Variants in TRRAP observed in about 807,000 individuals in gnomAD.
TRRAP encodes transformation/transcription domain-associated protein.
Under a neutral mutation model 438.8 loss-of-function variants are expected in TRRAP, and 41 were observed. That is an observed-to-expected ratio of 0.09 (90% CI 0.07 to 0.12). The LOEUF (loss-of-function observed/expected upper bound fraction) is 0.12, where lower values mean the gene tolerates loss of function less well. TRRAP is among the 10% of genes least tolerant of loss of function. TRRAP has a pLI of 1.00. For missense variants in TRRAP, 3,122 were observed against 5,055.1 expected, an observed-to-expected ratio of 0.62 and a Z score of 11.60; for synonymous variants, 1,994 against 1,962.9, an observed-to-expected ratio of 1.02 and a Z score of -0.42.
intron 9 of TRRAP, 84 bp downstream of exon 9, chr7:98,899,583 C>T (rs10279813): frequency 6.3e-7 from 1 of 1,595,188 alleles, no homozygotes; most frequent in South Asian, 1.1e-5. Flanking sequence ...GTGTATAATA[C>T]ACACATGCTA....
rs782296605 is a variant in TRRAP at position 98,917,527 on chromosome 7, C to T, written c.2470C>T (p.Leu824=). 6.2e-7 allele frequency: 1 copy of T among 1,614,202 alleles called. No individual in the cohort carries two copies. Among genetic ancestry groups the T allele is most frequent in the Admixed American group, 1.7e-5 (1 of 60,020 alleles). The stretch of plus-strand genomic sequence containing the variant: ...GCGGCTGAGCTCGCTTTTGCCGTAC[C>T]TGCCCATGCTTATGGATCCCTTGGT... ...PVRLSSLLPY[L]PMLMDPLVSA... Residue 824 remains leucine, a synonymous_variant, in exon 20 of 73, where the codon CTG becomes TTG. Coordinates refer to ENST00000456197, the MANE Select transcript of TRRAP (RefSeq NM_001375524.1).
At position 98,905,165 on chromosome 7, in the gene TRRAP, G is replaced by T. The variant is rs114026904; in HGVS notation, c.1037-1012G>T. On this transcript the variant is annotated intron_variant, in intron 12 of 72. Transcript: ENST00000456197. ...GGCTGAGCCCTTTGCATCCCTCTGT[G>T]CCTCCTTCATCTTGGCCACTTCACT... Among the ~76,000 whole-genome samples, 448 of 152,156 alleles carry T rather than the reference G, an allele frequency of 2.9e-3. 2 individuals are homozygous for T. Among genetic ancestry groups the T allele is most frequent in the African/African-American group, 0.01 (435 of 41,520 alleles).
chr7:98,959,607 A>T, intron 45 of TRRAP, 117 bp downstream of exon 45: 1 of 1,432,984 alleles, frequency 7.0e-7, no homozygotes. Flanking sequence ...CTAAACCCCA[A>T]ATCTCCTGTC....
Position 98,897,829 on chromosome 7 carries a change from A to G in TRRAP, c.596A>G (p.Lys199Arg). 6.2e-7 allele frequency: 1 copy of G among 1,614,066 alleles called. No individual in the cohort carries two copies. The highest frequency in any genetic ancestry group is 2.2e-5 in the East Asian group (1 of 44,872). The change falls in exon 8 of 73, where the codon AAA becomes AGA. Residue 199 changes from lysine (K) to arginine (R), a missense_variant. This residue lies in a region of TRRAP where 343 missense variants were observed against 564.0 expected (regional missense o/e 0.61). Coordinates refer to ENST00000456197, the MANE Select transcript of TRRAP (RefSeq NM_001375524.1). Reference protein sequence around the residue: ...MVGMITTIAVKVNPEREDSET... With the variant: ...MVGMITTIAVRVNPEREDSET... ...GGTATGATAACAACGATTGCTGTGA[A>G]AGTCAACCCGGAGCGTGAGGACAGT...
Position 98,899,427 on chromosome 7 carries a change from C to T in TRRAP, c.639C>T (p.Ser213=), listed in dbSNP as rs1554406288. 1.9e-6 allele frequency: 3 copies of T among 1,614,008 alleles called. No individual in the cohort carries two copies. The highest frequency in any genetic ancestry group is 2.7e-5 in the African/African-American group (2 of 74,922). ...TACCCATTTCTGTCTTCCAGCATTC[C>T]ATCATTCCGAGGGGATCACTTTCTC... ...EREDSETRTH[S]IIPRGSLSLK... Residue 213 remains serine (S), a synonymous_variant, in exon 9 of 73, where the codon TCC becomes TCT. Transcript: ENST00000456197.
At chr7:98,996,169 T>G (rs1793652115) in intron 67 of TRRAP, among the ~76,000 whole-genome samples, 1 of 151,318 alleles carries the variant, frequency 6.6e-6, no homozygotes, top group African/African-American at 2.4e-5. Context: ...CACACGCGTG[T>G]CCCCGCGTAT....
intron 53 of TRRAP, among the ~76,000 whole-genome samples, chr7:98,972,370 G>A (rs1792456388): frequency 3.3e-5 from 5 of 152,152 alleles, no homozygotes; most frequent in Admixed American, 3.3e-4. Context: ...GAGAAAATAG[G>A]AAAAAAGTTA....
Position 98,911,155 on chromosome 7 carries a change from G to C in TRRAP, c.1891G>C (p.Val631Leu). 1 of 1,614,110 alleles carries C rather than the reference G, an allele frequency of 6.2e-7. No individual in the cohort carries two copies. Among genetic ancestry groups the C allele is most frequent in the Non-Finnish European group, 8.5e-7 (1 of 1,180,020 alleles). Residue 631 changes from valine to leucine, a missense_variant, in exon 17 of 73, where the codon GTA becomes CTA. Physicochemically the swap from Val to Leu is conservative, Grantham distance 32. Around this residue, in one of 24 missense-constraint regions of TRRAP, gnomAD observed 149 missense variants for 302.8 expected, o/e 0.49. Coordinates refer to ENST00000456197, the MANE Select transcript of TRRAP (RefSeq NM_001375524.1). ...TGTGAGAATGAAAGAGGAGAAGGAG[G>C]TATTGGAGCATTTCGCTGGTGTGTT... ...QTVRMKEEKE[V>L]LEHFAGVFTM... is the part of the protein sequence containing the mutation.
At chr7:98,959,936 T>TGAAAAAAAAAA (rs1483906654) in intron 45 of TRRAP, among the ~76,000 whole-genome samples, 2 of 112,706 alleles carry the variant, frequency 1.8e-5, no homozygotes, top group African/African-American at 7.7e-5. Context: ...CCTGGTCTCT[T>TGAAAAAAAAAA]AAAAAAAAAA....
At chr7:99,000,593 C>T (rs1424301436) in intron 67 of TRRAP, among the ~76,000 whole-genome samples, 3 of 152,242 alleles carry the variant, frequency 2.0e-5, no homozygotes, top group Admixed American at 1.3e-4. Flanking sequence ...ATGCCACTGC[C>T]GCCGTCTCCA....
intron 2 of TRRAP, chr7:98,881,748 T>G: frequency 2.1e-6 from 1 of 478,798 alleles, no homozygotes. Context: ...CACGTGTGTG[T>G]GTTTGTGTGT....
At chr7:98,919,580 T>G (rs188134978) in intron 20 of TRRAP, among the ~76,000 whole-genome samples, 1 of 152,184 alleles carries the variant, frequency 6.6e-6, no homozygotes, top group African/African-American at 2.4e-5. Flanking sequence ...GCAAGCTGAG[T>G]GACAGAACAA....
chr7:98,952,766 G>T (rs1486430944), intron 39 of TRRAP, among the ~76,000 whole-genome samples: 1 of 152,146 alleles, frequency 6.6e-6, no homozygotes, highest in African/African-American at 2.4e-5. Flanking sequence ...TCAGTTCTGT[G>T]TTCATCTCAT....
intron 21 of TRRAP, among the ~76,000 whole-genome samples, chr7:98,924,606 G>A (rs1040946711): frequency 2.7e-5 from 4 of 149,262 alleles, no homozygotes; most frequent in African/African-American, 7.4e-5. Flanking sequence ...GGAGAATGGC[G>A]TGAACCCGGG....
At position 98,881,230 on chromosome 7, in the gene TRRAP, C is replaced by A; in HGVS notation, c.80C>A (p.Ala27Asp). Residue 27 changes from alanine to aspartate, a missense_variant, in exon 2 of 73, where the codon GCT (alanine) becomes GAT (aspartate). Around this residue, in one of 24 missense-constraint regions of TRRAP, gnomAD observed 343 missense variants for 564.0 expected, o/e 0.61. Coordinates refer to ENST00000456197, the MANE Select transcript of TRRAP (RefSeq NM_001375524.1). Reference protein sequence around the residue: ...LMKKYLQFVAALTDVNTPDET... With the variant: ...LMKKYLQFVADLTDVNTPDET... ...AAAAAGTACCTTCAGTTTGTGGCAGCTCTCACAGATGTGAATACACGTGAG... is the reference window on the plus strand; with the variant it reads ...AAAAAGTACCTTCAGTTTGTGGCAGATCTCACAGATGTGAATACACGTGAG... 1 of 1,609,548 alleles carries A rather than the reference C, an allele frequency of 6.2e-7. No homozygotes were observed. Among genetic ancestry groups the A allele is most frequent in the Non-Finnish European group, 8.5e-7 (1 of 1,177,658 alleles).
chr7:98,959,441 C>T lies in TRRAP; in HGVS notation c.6440C>T (p.Pro2147Leu). 6.2e-7 allele frequency: 1 copy of T among 1,613,856 alleles called. No homozygotes were observed. Among genetic ancestry groups the T allele is most frequent in the Non-Finnish European group, 8.5e-7 (1 of 1,179,982 alleles). Residue 2147 changes from proline to leucine, a missense_variant, in exon 45 of 73, where the codon CCC becomes CTC. Pro to Leu is a moderately conservative substitution (Grantham distance 98, BLOSUM62 -3). Transcript: ENST00000456197. ...LKTALRPDMW[P>L]KSELKLQWFD... is the part of the protein sequence containing the mutation. Reference sequence around the variant, plus strand: ...ACTGCGTTGCGGCCAGACATGTGGCCCAAGTCCGAACTCAAGCTGCAGTGG... The same window carrying T: ...ACTGCGTTGCGGCCAGACATGTGGCTCAAGTCCGAACTCAAGCTGCAGTGG...
chr7:98,896,426 G>GC (rs1554405741), intron 7 of TRRAP, among the ~76,000 whole-genome samples: 1 of 151,798 alleles, frequency 6.6e-6, no homozygotes, highest in African/African-American at 2.4e-5. Context: ...GGCTGGGGGT[G>GC]CGGGGGTACG....
chr7:98,929,921 A>T, intron 23 of TRRAP, 68 bp from the exon 24 acceptor site: 2 of 1,529,292 alleles, frequency 1.3e-6, no homozygotes, highest in Admixed American at 3.5e-5. Context: ...CTTCAAGGAA[A>T]ACATTGGGGA....
At chr7:98,945,990 G>A (rs920658985) in intron 33 of TRRAP, 40 bp downstream of exon 33, 43 of 1,409,042 alleles carry the variant, frequency 3.1e-5, no homozygotes, top group Admixed American at 8.1e-5. Flanking sequence ...GGTTGTTGTC[G>A]TTGCTGGTTT....
Sources: allele counts gnomAD v4.1 joint callset (sites outside exome capture counted in the v4.1 genomes callset), GRCh38; gene constraint gnomAD v4.1.1; regional missense constraint gnomAD v4.1.1; transcripts MANE v1.5; gene names NCBI Gene and HGNC (gene_info 2026-07-23, HGNC 2026-07-21).